The following AVEN variants were observed in gnomAD, a reference collection of about 807,000 sequenced individuals.
AVEN encodes the protein cell death regulator Aven.
AVEN carries 41 observed loss-of-function variants against 38.1 expected under a neutral mutation model. The ratio of observed to expected loss-of-function variants is 1.08; its 90% CI spans 0.84 to 1.40. The LOEUF (loss-of-function observed/expected upper bound fraction) is 1.40, where lower values mean the gene tolerates loss of function less well. Among genes scored for constraint, AVEN ranks in the 40% most tolerant of loss-of-function variants. The pLI is 0.00. For synonymous variants in AVEN, 206 were observed against 171.8 expected, an observed-to-expected ratio of 1.20 and a Z score of -1.56; for missense variants, 605 against 438.8, an observed-to-expected ratio of 1.38 and a Z score of -3.38.
intron 1 of AVEN, among the ~76,000 whole-genome samples, chr15:34,019,239 G>C (rs1324827661): frequency 1.3e-5 from 2 of 152,146 alleles, no homozygotes; most frequent in African/African-American, 4.8e-5. Flanking sequence ...GTAATTGTTT[G>C]TGTCTTCATT....
intron 1 of AVEN, among the ~76,000 whole-genome samples, chr15:34,022,780 T>G (rs1271181431): frequency 6.6e-6 from 1 of 152,226 alleles, no homozygotes; most frequent in Non-Finnish European, 1.5e-5. Flanking sequence ...CTCTCCAGCT[T>G]ACATTTTCCT....
At chr15:33,853,092 G>A in the AVEN span, 2 of 1,589,456 alleles carry the variant, frequency 1.3e-6, no homozygotes, top group Non-Finnish European at 1.7e-6. Context: ...AGAAAGGTAT[G>A]CCTTGTTAGT....
intron 2 of AVEN, among the ~76,000 whole-genome samples, chr15:33,933,506 CACACACACACA>C (rs1893928900): frequency 2.5e-5 from 3 of 118,392 alleles, no homozygotes; most frequent in Admixed American, 9.2e-5. Flanking sequence ...CACACACACA[CACACACACACA>C]CACACACAGA....
the AVEN span, chr15:33,852,515 A>T: frequency 6.4e-6 from 1 of 155,848 alleles, no homozygotes; most frequent in African/African-American, 2.4e-5. Context: ...AATAGAGTGG[A>T]AAAACACTCA....
chr15:33,948,065 T>C (rs1894573326), intron 2 of AVEN, among the ~76,000 whole-genome samples: 1 of 152,126 alleles, frequency 6.6e-6, no homozygotes, highest in Non-Finnish European at 1.5e-5. Flanking sequence ...ATCCAACATA[T>C]TTATGAGAGT....
chr15:33,958,842 T>C (rs1348598839), intron 2 of AVEN, among the ~76,000 whole-genome samples: 1 of 152,232 alleles, frequency 6.6e-6, no homozygotes, highest in Non-Finnish European at 1.5e-5. Flanking sequence ...TATTTCTCTA[T>C]GCCATAGGTG....
chr15:33,944,637 G>A (rs979126044), intron 2 of AVEN, among the ~76,000 whole-genome samples: 30 of 152,040 alleles, frequency 2.0e-4, no homozygotes, highest in African/African-American at 7.2e-4. Context: ...GTGAAACCCC[G>A]TCTCTATTAA....
At chr15:34,050,680 G>A (rs1204594037) in intron 5 of AVEN, among the ~76,000 whole-genome samples, 2 of 151,906 alleles carry the variant, frequency 1.3e-5, no homozygotes, top group African/African-American at 4.8e-5. Context: ...ATGGAAAACA[G>A]AAAAAAGTAG....
intron 3 of AVEN, among the ~76,000 whole-genome samples, chr15:33,874,893 T>G (rs546972393): frequency 1.3e-5 from 2 of 152,374 alleles, no homozygotes; most frequent in East Asian, 3.8e-4. Flanking sequence ...ACCATATTCC[T>G]CAACAATCTA....
intron 2 of AVEN, among the ~76,000 whole-genome samples, chr15:33,916,491 A>G (rs1324780402): frequency 6.7e-6 from 1 of 148,854 alleles, no homozygotes; most frequent in Non-Finnish European, 1.5e-5. Flanking sequence ...AATCAGCAGG[A>G]AAAAAAACAA....
chr15:33,936,144 A>G (rs923775567), intron 2 of AVEN, among the ~76,000 whole-genome samples: 1 of 152,188 alleles, frequency 6.6e-6, no homozygotes, highest in African/African-American at 2.4e-5. Context: ...AAAGAAAAAA[A>G]AAACAACAAG....
At chr15:33,946,683 G>C (rs1399936593) in intron 2 of AVEN, among the ~76,000 whole-genome samples, 1 of 152,188 alleles carries the variant, frequency 6.6e-6, no homozygotes, top group Non-Finnish European at 1.5e-5. Flanking sequence ...AAGGAGAAGT[G>C]AGTGATGCAC....
chr15:34,041,295 T>C (rs1485015058), upstream of AVEN, among the ~76,000 whole-genome samples: 1 of 152,154 alleles, frequency 6.6e-6, no homozygotes, highest in Non-Finnish European at 1.5e-5. Flanking sequence ...CACAGATAGA[T>C]TGGTGCAAAA....
intron 4 of AVEN, among the ~76,000 whole-genome samples, chr15:33,870,546 T>C (rs1397937268): frequency 2.0e-5 from 3 of 152,210 alleles, no homozygotes; most frequent in Non-Finnish European, 2.9e-5. Flanking sequence ...TATGTTTGTG[T>C]GACTATTTGA....
intron 5 of AVEN, chr15:34,046,778 A>G (rs1899701593): frequency 6.6e-6 from 1 of 152,394 alleles, no homozygotes; most frequent in Admixed American, 6.5e-5. Context: ...AAACAACTTG[A>G]CCCACAGAAA....
chr15:34,053,299 CA>C (rs71454513), intron 5 of AVEN, among the ~76,000 whole-genome samples: 617 of 51,332 alleles, frequency 0.012, 1 homozygote, highest in East Asian at 0.031. Flanking sequence ...GACTCCATCT[CA>C]AAAAAAAAAA....
rs1336243337 is a variant in AVEN, at chr15:33,907,894, TGAA to T, written c.446-31902_446-31900del. ...TGTATTATCTTTTATAATCTTGGAGTGAAGAAGACCTTTATAAACACAATACAA... is the reference window on the plus strand; with the variant it reads ...TGTATTATCTTTTATAATCTTGGAGTGAAGACCTTTATAAACACAATACAA... On this transcript the variant is annotated intron_variant, in intron 2 of 5. Transcript: ENST00000306730. Among the ~76,000 whole-genome samples, 13 of 151,150 alleles carry T rather than the reference TGAA, an allele frequency of 8.6e-5. No homozygotes were observed. In the East Asian group the frequency reaches 2.5e-3, roughly 29 times the overall value.
chr15:33,970,835 T>G (rs1895605940), intron 2 of AVEN, among the ~76,000 whole-genome samples: 1 of 151,984 alleles, frequency 6.6e-6, no homozygotes, highest in East Asian at 1.9e-4. Flanking sequence ...TTGGGGGCTT[T>G]GTTTCTATAA....
In AVEN at chr15:34,038,926, CGCCGCCGCCTCT is replaced by C. The variant is rs965089645; in HGVS notation, c.109_120del (p.Arg37_Gly40del). The C allele has an allele frequency of 9.7e-6, 9 of 928,928 alleles. No homozygotes were observed. Among genetic ancestry groups the C allele is most frequent in the African/African-American group, 8.8e-5 (5 of 56,744 alleles). 57.5% of individuals were successfully genotyped at this position (928,928 alleles called of 1,614,324 possible). A position where few individuals can be genotyped will look rare whatever the true frequency, so the allele number is the denominator to read the frequency against. On this transcript the variant is annotated inframe_deletion, in exon 1 of 6. Transcript: ENST00000306730. ...CCGCCTCCGTCCCCGCCGCCGCCTC[CGCCGCCGCCTCT>C]GGCTACCGCCGCTGCGGCTCCGGGC...
Sources: allele counts gnomAD v4.1 joint callset (sites outside exome capture counted in the v4.1 genomes callset), GRCh38; gene constraint gnomAD v4.1.1; transcripts MANE v1.5; gene names NCBI Gene and HGNC (gene_info 2026-07-23, HGNC 2026-07-21).